Variants in PSORS1C1 observed in about 807,000 individuals in gnomAD.
The protein encoded by PSORS1C1 is psoriasis susceptibility 1 candidate gene 1 protein.
PSORS1C1 carries 7 observed loss-of-function variants against 9.4 expected under a neutral mutation model. The observed-to-expected ratio is 0.75, with a 90% confidence interval of 0.42 to 1.40. PSORS1C1 has a LOEUF of 1.40. Ranked by LOEUF, PSORS1C1 falls within the 40% of genes most tolerant of loss-of-function variation. The probability of loss-of-function intolerance (pLI) is 0.01; values close to 1 mark genes in which losing one functional copy is unlikely to be tolerated. For missense variants in PSORS1C1, 146 were observed against 178.1 expected (o/e 0.82, Z 1.02); for synonymous variants, 63 against 69.4 (o/e 0.91, Z 0.46).
chr6:31,117,342 G>C, intron 1 of PSORS1C1: 1 of 1,577,568 alleles, frequency 6.3e-7, no homozygotes, highest in Non-Finnish European at 8.6e-7. Flanking sequence ...ATCCGCTGGA[G>C]CTACCACTGG....
At chr6:31,137,572 G>A (rs1458780282) in intron 3 of PSORS1C1, 1 of 276,844 alleles carries the variant, frequency 3.6e-6, no homozygotes, top group Non-Finnish European at 6.7e-6. Flanking sequence ...TTTCATGGAA[G>A]CAGCAGCTGT....
At chr6:31,129,687 G>C (rs747533594) in intron 3 of PSORS1C1, 42 bp downstream of exon 3, 72 of 779,418 alleles carry the variant, frequency 9.2e-5, no homozygotes, top group Non-Finnish European at 1.6e-4. Flanking sequence ...TCTGTGAAAT[G>C]GGGCTAATCA....
At chr6:31,121,888 T>C (rs1307197203) in intron 1 of PSORS1C1, among the ~76,000 whole-genome samples, 2 of 152,248 alleles carry the variant, frequency 1.3e-5, no homozygotes, top group East Asian at 3.8e-4. Context: ...TTTAATTAAT[T>C]GTAATGATGT....
intron 1 of PSORS1C1, among the ~76,000 whole-genome samples, chr6:31,121,532 G>C (rs1280271716): frequency 6.6e-6 from 1 of 152,164 alleles, no homozygotes; most frequent in Non-Finnish European, 1.5e-5. Flanking sequence ...CCTCCCTCCT[G>C]CTCTGGCCCC....
rs9278990 is a variant in PSORS1C1 at position 31,138,723 on chromosome 6, T to TCC, written c.117_118dup (p.His40ProfsTer26). 8.2e-5 allele frequency: 133 copies of TCC among 1,612,926 alleles called. 1 individual carries two copies. The highest frequency in any genetic ancestry group is 6.5e-4 in the Admixed American group (39 of 59,914). On this transcript the variant is annotated frameshift_variant, in exon 5 of 6. Coordinates refer to ENST00000259881, the MANE Select transcript of PSORS1C1 (RefSeq NM_014068.3). LOFTEE classifies it high-confidence loss of function. ...CAGATCCCAGCTCCGAGGAAACTCG[T>TCC]CCCCCCCACGTTAATCCTGACCGAC...
rs559028892 is a variant in PSORS1C1, at chr6:31,121,952, G to T, written c.-228-3724G>T. On this transcript the variant is annotated intron_variant, in intron 1 of 5. Coordinates refer to ENST00000259881, the MANE Select transcript of PSORS1C1 (RefSeq NM_014068.3). ...ATCTAGTCTTGCTCTTGACTTGCTAGTGACACTCAGAATGGGAGTGGGAGG... is the reference window on the plus strand; with the variant it reads ...ATCTAGTCTTGCTCTTGACTTGCTATTGACACTCAGAATGGGAGTGGGAGG... 3.3e-5 allele frequency among the ~76,000 whole-genome samples: 5 copies of T among 152,352 alleles called. No homozygotes were observed. In the South Asian group the frequency reaches 1.0e-3, roughly 32 times the overall value.
intron 1 of PSORS1C1, chr6:31,117,049 G>A: frequency 1.9e-6 from 3 of 1,614,260 alleles, no homozygotes; most frequent in Non-Finnish European, 2.5e-6. Flanking sequence ...AGGCTGGGAA[G>A]GGTTTAGTAT....
Position 31,139,492 on chromosome 6 carries a change from G to A in PSORS1C1, c.168-149G>A. 4.3e-6 allele frequency: 3 copies of A among 700,270 alleles called. No homozygotes were observed. The highest frequency in any genetic ancestry group is 7.0e-6 in the Non-Finnish European group (3 of 426,000). The allele number at this position is 700,270 out of a possible 1,614,324, so 43.4% of individuals were successfully genotyped here. A position where few individuals can be genotyped will look rare whatever the true frequency, so the allele number is the denominator to read the frequency against. On this transcript the variant is annotated intron_variant, in intron 5 of 5. Coordinates refer to ENST00000259881, the MANE Select transcript of PSORS1C1 (RefSeq NM_014068.3). The surrounding 1 kb of genome is among the most constrained non-coding windows in gnomAD (Gnocchi z 5.2). ...GAGGGAGGAGGTGCTTTTCAAACCTGGGATGCAGCTGGGACAGTGTCAGCT... is the reference window on the plus strand; with the variant it reads ...GAGGGAGGAGGTGCTTTTCAAACCTAGGATGCAGCTGGGACAGTGTCAGCT...
intron 1 of PSORS1C1, among the ~76,000 whole-genome samples, chr6:31,121,628 C>T (rs1772468115): frequency 7.6e-6 from 1 of 131,692 alleles, no homozygotes; most frequent in African/African-American, 2.6e-5. Context: ...AGCAAGCTGC[C>T]CTCTCCTCCC....
intron 3 of PSORS1C1, chr6:31,138,147 G>A: frequency 6.2e-7 from 1 of 1,604,692 alleles, no homozygotes; most frequent in East Asian, 2.2e-5. Context: ...GTCTCTCCAG[G>A]GACGACTGGG....
intron 1 of PSORS1C1, among the ~76,000 whole-genome samples, chr6:31,125,324 G>A (rs914361126): frequency 1.3e-5 from 2 of 151,934 alleles, no homozygotes; most frequent in African/African-American, 2.4e-5. Flanking sequence ...TGACACCCAC[G>A]CTTCCCTGTG....
chr6:31,125,869 T>C, intron 2 of PSORS1C1, 30 bp downstream of exon 2: 1 of 152,306 alleles, frequency 6.6e-6, no homozygotes, highest in East Asian at 1.9e-4. Flanking sequence ...AGCACATAGC[T>C]GTGGCAGGCA....
chr6:31,137,707 G>A (rs1319963057), intron 3 of PSORS1C1: 23 of 388,436 alleles, frequency 5.9e-5, no homozygotes, highest in Non-Finnish European at 9.1e-5. Context: ...GCCTGGAGGC[G>A]AGGTAGGAGA....
intron 1 of PSORS1C1, chr6:31,120,292 C>A: frequency 6.9e-7 from 1 of 1,455,508 alleles, no homozygotes; most frequent in Non-Finnish European, 9.4e-7. Context: ...CCCGGAGTCT[C>A]CCTCCCGCCT....
chr6:31,129,725 G>A lies in PSORS1C1; in HGVS notation c.13+80G>A, dbSNP rs3734861. 4,655 of 773,150 alleles carry A rather than the reference G, an allele frequency of 6.0e-3. 150 individuals carry two copies. The East Asian group carries it at 0.075, about 12-fold the overall frequency. 47.9% of individuals were successfully genotyped at this position (773,150 alleles called of 1,614,324 possible). On this transcript the variant is annotated intron_variant, in intron 3 of 5. Transcript: ENST00000259881. ...TGCTTTATTGAGTGCCTTCTAGGCTGGGTACTAGGAGAGAAGGAAGGGATA... is the reference window on the plus strand; with the variant it reads ...TGCTTTATTGAGTGCCTTCTAGGCTAGGTACTAGGAGAGAAGGAAGGGATA...
Position 31,115,655 on chromosome 6 carries a change from C to T in PSORS1C1, c.-229+764C>T. The stretch of plus-strand genomic sequence containing the variant: ...AACTTCTTCAGGCGTCAGAGGTGCT[C>T]TGAGAGCATTTCAGGGGTTTCCCAG... On this transcript the variant is annotated intron_variant, in intron 1 of 5. Coordinates refer to ENST00000259881, the MANE Select transcript of PSORS1C1 (RefSeq NM_014068.3). This position sits in a 1 kb window ranked among gnomAD's most constrained non-coding sequence, Gnocchi z 4.2. 1 of 297,576 alleles carries T rather than the reference C, an allele frequency of 3.4e-6. No individual in the cohort carries two copies. The highest frequency in any genetic ancestry group is 9.9e-5 in the South Asian group (1 of 10,152). The allele number at this position is 297,576 out of a possible 1,614,324, so 18.4% of individuals were successfully genotyped here. A position where few individuals can be genotyped will look rare whatever the true frequency, so the allele number is the denominator to read the frequency against.
chr6:31,118,903 C>G (rs1772314770), intron 1 of PSORS1C1: 1 of 126,100 alleles, frequency 7.9e-6, no homozygotes, highest in African/African-American at 3.0e-5. Flanking sequence ...AGTGCAATAA[C>G]ACGGTCTCAG....
Position 31,114,879 on chromosome 6 carries a change from T to C in PSORS1C1, c.-241T>C. ...CGAGACTCATGACTCCCAGAGAGGA[T>C]GGCATCTAGAAGGTGAGGAATGCTA... On this transcript the variant is annotated 5_prime_UTR_variant, in exon 1 of 6. An upstream start codon of the reference 5' UTR is lost. Coordinates refer to ENST00000259881, the MANE Select transcript of PSORS1C1 (RefSeq NM_014068.3). 2 of 441,876 alleles carry C rather than the reference T, an allele frequency of 4.5e-6. No homozygotes were observed. Among genetic ancestry groups the C allele is most frequent in the Non-Finnish European group, 4.5e-6 (1 of 223,148 alleles). 27.4% of individuals were successfully genotyped at this position (441,876 alleles called of 1,614,324 possible).
chr6:31,125,407 G>C (rs1334234123), intron 1 of PSORS1C1, among the ~76,000 whole-genome samples: 2 of 152,196 alleles, frequency 1.3e-5, no homozygotes, highest in African/African-American at 2.4e-5. Flanking sequence ...CCCACTCCCA[G>C]TAGGGGATGT....
Sources: gnomAD v4.1 joint callset for allele counts (sites outside exome capture counted in the v4.1 genomes callset) on GRCh38, gnomAD v4.1.1 for gene constraint, Gnocchi (gnomAD v3.1) non-coding constraint, MANE v1.5 for transcripts, NCBI Gene and HGNC (gene_info 2026-07-23, HGNC 2026-07-21) for gene names.